The following ITPR1 variants were observed in gnomAD, a reference collection of about 807,000 sequenced individuals.
The protein encoded by ITPR1 is inositol 1,4,5-trisphosphate receptor type 1.
A neutral mutation model predicts 318.4 loss-of-function variants in ITPR1; 96 were observed. The observed-to-expected ratio is 0.30, with a 90% CI of 0.26 to 0.36. The LOEUF (loss-of-function observed/expected upper bound fraction) is 0.36. Ranked by LOEUF, ITPR1 falls within the 10% of genes least tolerant of loss-of-function variation. The probability of loss-of-function intolerance (pLI) is 1.00; values close to 1 mark genes in which losing one functional copy is unlikely to be tolerated. For missense variants in ITPR1, 2,440 were observed against 3,460.2 expected (o/e 0.71, Z 7.40); for synonymous variants, 1,312 against 1,289.9 (o/e 1.02, Z -0.37).
chr3:4,824,124 C>T (rs1232316387), intron 60 of ITPR1, among the ~76,000 whole-genome samples: 18 of 152,106 alleles, frequency 1.2e-4, no homozygotes, highest in African/African-American at 4.3e-4. Context: ...AGTGAAATAT[C>T]GGGGGAGAAC....
At chr3:4,512,718 G>A in intron 2 of ITPR1, among the ~76,000 whole-genome samples, 1 of 152,180 alleles carries the variant, frequency 6.6e-6, no homozygotes, top group Non-Finnish European at 1.5e-5. Context: ...GTCAGCCACT[G>A]TACCAGGTGC....
chr3:4,652,278 C>A, intron 11 of ITPR1, 60 bp downstream of exon 11: 1 of 1,187,228 alleles, frequency 8.4e-7, no homozygotes, highest in South Asian at 1.3e-5. Context: ...CGCCTTTCCT[C>A]ATTCGCCTGT....
intron 61 of ITPR1, among the ~76,000 whole-genome samples, chr3:4,841,810 C>A (rs1014138994): frequency 6.6e-6 from 1 of 152,112 alleles, no homozygotes; most frequent in African/African-American, 2.4e-5. Flanking sequence ...CATTTGAGAT[C>A]AACTCTAAGA....
At chr3:4,634,672 G>T (rs542738605) in intron 5 of ITPR1, among the ~76,000 whole-genome samples, 10 of 152,144 alleles carry the variant, frequency 6.6e-5, no homozygotes, top group Non-Finnish European at 1.5e-4. Context: ...GATAACCTTG[G>T]GTTTTATTTT....
rs540732622 is a variant in ITPR1, at chr3:4,669,536, G to C, written c.1887-118G>C. 32 of 913,500 alleles carry C rather than the reference G, an allele frequency of 3.5e-5. No homozygotes were observed. The African/African-American group carries it at 4.9e-4, about 14-fold the overall frequency. 56.6% of individuals were successfully genotyped at this position (913,500 alleles called of 1,614,324 possible). ...AAACATTGGCATCAAGACTTAGAAT[G>C]CTGCTGACATGTCTTGGTAAAGGTA... On this transcript the variant is annotated intron_variant, in intron 18 of 61. Transcript: ENST00000649015.
chr3:4,543,049 G>C (rs1575472857), intron 4 of ITPR1, among the ~76,000 whole-genome samples: 1 of 151,974 alleles, frequency 6.6e-6, no homozygotes, highest in African/African-American at 2.4e-5. Context: ...GCTACCCATA[G>C]CTCTTAAAAT....
At chr3:4,598,347 C>T (rs1406779127) in intron 4 of ITPR1, among the ~76,000 whole-genome samples, 1 of 152,192 alleles carries the variant, frequency 6.6e-6, no homozygotes, top group Non-Finnish European at 1.5e-5. Flanking sequence ...AGGCTGGGTG[C>T]AGTGGCTCAC....
At chr3:4,532,021 G>T (rs62231451) in intron 4 of ITPR1, among the ~76,000 whole-genome samples, 1 of 152,212 alleles carries the variant, frequency 6.6e-6, no homozygotes, top group Non-Finnish European at 1.5e-5. Flanking sequence ...AGGATTAAAT[G>T]AGTTAATCTG....
intron 4 of ITPR1, among the ~76,000 whole-genome samples, chr3:4,578,497 T>C (rs1240386679): frequency 6.6e-6 from 1 of 152,000 alleles, no homozygotes; most frequent in Non-Finnish European, 1.5e-5. Context: ...TGTGTGTGTG[T>C]GCATATACAT....
At chr3:4,809,548 T>C (rs981717464) in intron 55 of ITPR1, among the ~76,000 whole-genome samples, 1 of 152,190 alleles carries the variant, frequency 6.6e-6, no homozygotes, top group Admixed American at 6.6e-5. Context: ...AATTAAGCTA[T>C]TGAGCGAATG....
chr3:4,536,960 T>TCAAG (rs10686480), intron 4 of ITPR1, among the ~76,000 whole-genome samples: 4 of 151,564 alleles, frequency 2.6e-5, no homozygotes, highest in African/African-American at 9.7e-5. Flanking sequence ...TTTTTTGGGG[T>TCAAG]CAATCCCAGA....
At chr3:4,625,815 C>A (rs959276107) in intron 4 of ITPR1, among the ~76,000 whole-genome samples, 1 of 152,198 alleles carries the variant, frequency 6.6e-6, no homozygotes, top group African/African-American at 2.4e-5. Context: ...CCTTGGCCTC[C>A]CAAAGTGCTG....
chr3:4,621,257 A>G (rs1373105531), intron 4 of ITPR1, among the ~76,000 whole-genome samples: 1 of 152,142 alleles, frequency 6.6e-6, no homozygotes, highest in African/African-American at 2.4e-5. Context: ...TTCTAGGCAG[A>G]CCTCAGGAAA....
intron 60 of ITPR1, chr3:4,831,121 T>TCACACACACA (rs1181374459): frequency 4.0e-4 from 109 of 270,628 alleles, no homozygotes; most frequent in African/African-American, 8.5e-4. Context: ...TCTCTCTCTC[T>TCACACACACA]CTCTCTCTCT....
chr3:4,520,896 GT>G, intron 3 of ITPR1, 127 bp from the exon 4 acceptor site: 1 of 726,528 alleles, frequency 1.4e-6, no homozygotes, highest in African/African-American at 1.8e-5. Flanking sequence ...AGTGTAAAGA[GT>G]TCCTGGCAGG....
chr3:4,700,680 C>T (rs886879995), intron 35 of ITPR1, among the ~76,000 whole-genome samples: 3 of 152,156 alleles, frequency 2.0e-5, no homozygotes, highest in South Asian at 2.1e-4. Flanking sequence ...TCCTTTTGCT[C>T]TTCCAGGAGG....
chr3:4,609,001 TAAA>T (rs56738231), intron 4 of ITPR1, among the ~76,000 whole-genome samples: 7 of 53,448 alleles, frequency 1.3e-4, no homozygotes, highest in African/African-American at 1.8e-4. Context: ...ACTCCGTCTT[TAAA>T]AAAAAAAAAA....
intron 4 of ITPR1, among the ~76,000 whole-genome samples, chr3:4,610,865 C>A (rs928942869): frequency 6.8e-6 from 1 of 146,982 alleles, no homozygotes; most frequent in African/African-American, 2.5e-5. Context: ...TGTTCCCTTT[C>A]CCTTTCCTTT....
At chr3:4,608,210 G>A (rs28520334) in intron 4 of ITPR1, among the ~76,000 whole-genome samples, 4 of 151,932 alleles carry the variant, frequency 2.6e-5, no homozygotes, top group Non-Finnish European at 4.4e-5. Context: ...GATTTACTCC[G>A]AAGTTTGATT....
Sources: allele counts gnomAD v4.1 joint callset (sites outside exome capture counted in the v4.1 genomes callset), GRCh38; gene constraint gnomAD v4.1.1; transcripts MANE v1.5; gene names NCBI Gene and HGNC (gene_info 2026-07-23, HGNC 2026-07-21).